CKAP5: variants seen among roughly 807,000 people sequenced by gnomAD.
CKAP5 encodes the protein cytoskeleton associated protein 5.
A neutral mutation model predicts 232.8 loss-of-function variants in CKAP5; 27 were observed. That is an observed-to-expected ratio of 0.12 (90% CI 0.09 to 0.16). The LOEUF (loss-of-function observed/expected upper bound fraction) is 0.16. Ranked by LOEUF, CKAP5 falls within the 10% of genes least tolerant of loss-of-function variation. CKAP5 has a pLI of 1.00. For missense variants in CKAP5, 1,838 were observed against 2,424.7 expected (o/e 0.76, Z 5.08); for synonymous variants, 785 against 841.1 (o/e 0.93, Z 1.16).
chr11:46,760,561 C>T (rs2065145547), intron 33 of CKAP5, 51 bp downstream of exon 33: 2 of 1,577,088 alleles, frequency 1.3e-6, no homozygotes, highest in Non-Finnish European at 1.7e-6. Flanking sequence ...TGTGAGCACA[C>T]AAGGCAAAGG....
chr11:46,843,793 T>A (rs1371552798), intron 1 of CKAP5, among the ~76,000 whole-genome samples: 1 of 151,730 alleles, frequency 6.6e-6, no homozygotes, highest in Non-Finnish European at 1.5e-5. Context: ...CTATGAAAGT[T>A]GGAAGCTGTG....
chr11:46,767,540 G>T, intron 27 of CKAP5, 35 bp downstream of exon 27: 1 of 1,340,318 alleles, frequency 7.5e-7, no homozygotes, highest in Non-Finnish European at 1.1e-6. Flanking sequence ...ATATTTAAAA[G>T]CAAGTCTACA....
At chr11:46,795,989 C>A (rs1289541197) in intron 12 of CKAP5, among the ~76,000 whole-genome samples, 1 of 151,938 alleles carries the variant, frequency 6.6e-6, no homozygotes, top group African/African-American at 2.4e-5. Context: ...CATGGTGAAA[C>A]CCCATCTCTA....
chr11:46,825,563 G>C (rs1939632405), intron 1 of CKAP5, among the ~76,000 whole-genome samples: 1 of 152,058 alleles, frequency 6.6e-6, no homozygotes, highest in South Asian at 2.1e-4. Flanking sequence ...CCAAGCTCTT[G>C]ACCTACAAAA....
At chr11:46,752,187 T>C (rs915997697) in intron 38 of CKAP5, among the ~76,000 whole-genome samples, 2,787 of 67,320 alleles carry the variant, frequency 0.041, 139 homozygotes, top group East Asian at 0.34. Context: ...TATATATATA[T>C]ATATATACAC....
Position 46,816,390 on chromosome 11 carries a change from ACTTCTC to A in CKAP5, c.260_265del (p.Gly87_Glu88del). Reference sequence around the variant, plus strand: ...CACCTTACTTACAACACCTGACACAACTTCTCCTGTGGTTCTGTAACATATTATAAA... The same window carrying A: ...CACCTTACTTACAACACCTGACACAACTGTGGTTCTGTAACATATTATAAA... On this transcript the variant is annotated inframe_deletion, in exon 4 of 44. Coordinates refer to ENST00000529230, the MANE Select transcript of CKAP5 (RefSeq NM_001008938.4). The A allele has an allele frequency of 6.2e-7, 1 of 1,613,806 alleles. No homozygotes were observed. Among genetic ancestry groups the A allele is most frequent in the South Asian group, 1.1e-5 (1 of 91,050 alleles).
intron 1 of CKAP5, among the ~76,000 whole-genome samples, chr11:46,835,376 A>C (rs1342748798): frequency 6.6e-6 from 1 of 152,026 alleles, no homozygotes; most frequent in Admixed American, 6.6e-5. Flanking sequence ...AGCAAAAGGA[A>C]CCAGAAATCT....
In CKAP5 at chr11:46,762,702, G is replaced by A; in HGVS notation, c.3952C>T (p.Leu1318Phe). 6.2e-7 allele frequency: 1 copy of A among 1,613,992 alleles called. No homozygotes were observed. Among genetic ancestry groups the A allele is most frequent in the South Asian group, 1.1e-5 (1 of 91,072 alleles). The change falls in exon 31 of 44, where the codon CTT becomes TTT. Residue 1318 changes from leucine (L) to phenylalanine (F), a missense_variant. By Grantham distance (22) the Leu-to-Phe change is conservative. Coordinates refer to ENST00000529230, the MANE Select transcript of CKAP5 (RefSeq NM_001008938.4). ...DVRAILNRMC[L>F]VYPASKMFPF... ...AACATCTTGCTAGCTGGGTAGACAA[G>A]GCACATCCGGTTCAGGATGGCACGA...
intron 24 of CKAP5, among the ~76,000 whole-genome samples, chr11:46,774,669 C>G (rs2065277157): frequency 6.6e-6 from 1 of 152,078 alleles, no homozygotes; most frequent in African/African-American, 2.4e-5. Context: ...GAACAGAGGC[C>G]TCAGAAATAA....
chr11:46,761,891 A>G, intron 32 of CKAP5, 109 bp downstream of exon 32: 1 of 818,666 alleles, frequency 1.2e-6, no homozygotes, highest in Non-Finnish European at 2.0e-6. Context: ...TGAGTTGACT[A>G]AAAAGTAGTA....
chr11:46,830,566 G>T (rs145079641), intron 1 of CKAP5, among the ~76,000 whole-genome samples: 5 of 152,132 alleles, frequency 3.3e-5, no homozygotes, highest in Non-Finnish European at 5.9e-5. Context: ...GGCTCTGGAG[G>T]GAGTGTGGCC....
At chr11:46,842,961 C>A (rs1395892621) in intron 1 of CKAP5, among the ~76,000 whole-genome samples, 2 of 110,056 alleles carry the variant, frequency 1.8e-5, no homozygotes, top group Admixed American at 1.0e-4. Context: ...AGCAAGACTC[C>A]GTCTCAAAAA....
chr11:46,750,619 G>A lies in CKAP5; in HGVS notation c.5461-8C>T, dbSNP rs772959252. 2.5e-6 allele frequency: 4 copies of A among 1,607,000 alleles called. No individual in the cohort carries two copies. The highest frequency in any genetic ancestry group is 3.4e-6 in the Non-Finnish European group (4 of 1,175,024). On this transcript the variant is annotated splice_polypyrimidine_tract_variant and splice_region_variant and intron_variant, in intron 40 of 43. Coordinates refer to ENST00000529230, the MANE Select transcript of CKAP5 (RefSeq NM_001008938.4). The stretch of plus-strand genomic sequence containing the variant: ...CTTTGATGATTTTTCATCCTGAAAA[G>A]TTGAAAGACATAGGAAGAATTGGTT...
rs1360664136 is a variant in CKAP5 at position 46,750,280 on chromosome 11, A to T, written c.5698T>A (p.Ser1900Thr). The T allele has an allele frequency of 6.2e-7, 1 of 1,613,944 alleles. No homozygotes were observed. The highest frequency in any genetic ancestry group is 1.7e-5 in the Admixed American group (1 of 59,950). The change falls in exon 42 of 44, where the codon TCA becomes ACA. Residue 1900 changes from serine to threonine, a missense_variant. This residue lies in a region of CKAP5 where 579 missense variants were observed against 843.2 expected (regional missense o/e 0.69). Transcript: ENST00000529230. ...EREGKGRISTSTGISPQMEVT... is the reference protein window; with the variant it reads ...EREGKGRISTTTGISPQMEVT... Reference sequence around the variant, plus strand: ...CTATAACAGGAAACCATACCTGTTGAAGTGGAAATACGACCTTTGCCCTCC... The same window carrying T: ...CTATAACAGGAAACCATACCTGTTGTAGTGGAAATACGACCTTTGCCCTCC...
At chr11:46,780,150 T>A (rs1171324750) in intron 20 of CKAP5, 44 bp downstream of exon 20, 1 of 1,608,034 alleles carries the variant, frequency 6.2e-7, no homozygotes, top group Non-Finnish European at 8.5e-7. Context: ...CTTAATGAGA[T>A]TCTCAAGTCC....
chr11:46,839,901 G>C (rs1196235115), intron 1 of CKAP5, among the ~76,000 whole-genome samples: 1 of 152,158 alleles, frequency 6.6e-6, no homozygotes, highest in South Asian at 2.1e-4. Context: ...CAATTTGGGA[G>C]GGTAAGGAGG....
chr11:46,833,435 C>T (rs1939838827), intron 1 of CKAP5, among the ~76,000 whole-genome samples: 1 of 151,972 alleles, frequency 6.6e-6, no homozygotes, highest in Non-Finnish European at 1.5e-5. Context: ...ACACCAAGCA[C>T]TCAGTAAACC....
At chr11:46,785,504 A>T (rs1194380304) in intron 16 of CKAP5, among the ~76,000 whole-genome samples, 3 of 151,912 alleles carry the variant, frequency 2.0e-5, no homozygotes, top group Non-Finnish European at 2.9e-5. Context: ...TCATTTTTGT[A>T]TTTTTAGTAG....
chr11:46,764,258 TATC>T (rs2065182332), intron 28 of CKAP5, among the ~76,000 whole-genome samples: 2 of 152,188 alleles, frequency 1.3e-5, no homozygotes, highest in Admixed American at 1.3e-4. Context: ...AAATTATGCA[TATC>T]ATCATTCTAG....
Sources: allele counts gnomAD v4.1 joint callset (sites outside exome capture counted in the v4.1 genomes callset), GRCh38; gene constraint gnomAD v4.1.1; regional missense constraint gnomAD v4.1.1; transcripts MANE v1.5; gene names NCBI Gene and HGNC (gene_info 2026-07-23, HGNC 2026-07-21).